Variants in MARCHF1 observed in about 807,000 individuals in gnomAD.
MARCHF1 encodes the protein membrane associated ring-CH-type finger 1, also known as E3 ubiquitin-protein ligase MARCHF1.
Under a neutral mutation model 54.2 loss-of-function variants are expected in MARCHF1, and 40 were observed. The observed-to-expected ratio is 0.74, with a 90% confidence interval of 0.57 to 0.96. MARCHF1 has a LOEUF of 0.96. MARCHF1 is among the 40% of genes least tolerant of loss of function. The pLI, the probability that MARCHF1 is intolerant of heterozygous loss-of-function variation, is 0.00. For missense variants in MARCHF1, 586 were observed against 656.5 expected, an observed-to-expected ratio of 0.89 and a Z score of 1.17; for synonymous variants, 236 against 236.3, an observed-to-expected ratio of 1.00 and a Z score of 0.01.
chr4:164,020,731 G>T (rs192618268), intron 2 of MARCHF1, among the ~76,000 whole-genome samples: 8 of 152,256 alleles, frequency 5.3e-5, no homozygotes, highest in Non-Finnish European at 1.0e-4. Context: ...AGGAGTTTGA[G>T]AACAGCCCAG....
chr4:164,123,290 G>A (rs1266743042), intron 1 of MARCHF1, among the ~76,000 whole-genome samples: 2 of 152,026 alleles, frequency 1.3e-5, no homozygotes, highest in Non-Finnish European at 2.9e-5. Flanking sequence ...GTAAAACACT[G>A]ATGAAAGCAG....
In MARCHF1 at chr4:163,629,358, C is replaced by T. The variant is rs936694659; in HGVS notation, c.163-15965G>A. On this transcript the variant is annotated intron_variant, in intron 5 of 9. Transcript: ENST00000514618. The stretch of plus-strand genomic sequence containing the variant: ...TTGGGAAAACTGGCTAGCTATATGC[C>T]GAAAGCTGAAACCGGATCCCTTTTT... Among the ~76,000 whole-genome samples, 9 of 151,950 alleles carry T rather than the reference C, an allele frequency of 5.9e-5. No homozygotes were observed. The South Asian group carries it at 8.3e-4, about 14-fold the overall frequency.
chr4:163,940,347 T>C (rs1217850885), intron 3 of MARCHF1, among the ~76,000 whole-genome samples: 1 of 152,168 alleles, frequency 6.6e-6, no homozygotes, highest in Non-Finnish European at 1.5e-5. Context: ...ATATTCTATT[T>C]GTACTGCACT....
At chr4:163,825,335 G>A (rs188040614) in intron 4 of MARCHF1, among the ~76,000 whole-genome samples, 17 of 152,098 alleles carry the variant, frequency 1.1e-4, no homozygotes, top group Non-Finnish European at 2.1e-4. Flanking sequence ...TCTTTAACCA[G>A]TCTAACATTG....
At chr4:164,118,264 A>C (rs1248800638) in intron 1 of MARCHF1, among the ~76,000 whole-genome samples, 1 of 151,760 alleles carries the variant, frequency 6.6e-6, no homozygotes, top group Non-Finnish European at 1.5e-5. Flanking sequence ...ACAGAACTTA[A>C]TATTCTATTA....
intron 1 of MARCHF1, among the ~76,000 whole-genome samples, chr4:164,148,577 T>A (rs372305461): frequency 2.0e-5 from 3 of 152,128 alleles, no homozygotes; most frequent in Non-Finnish European, 4.4e-5. Context: ...TTCCTTCTGT[T>A]TGAGCCATTG....
chr4:164,326,141 C>T (rs537809585), intron 1 of MARCHF1, among the ~76,000 whole-genome samples: 42 of 152,240 alleles, frequency 2.8e-4, no homozygotes, highest in African/African-American at 9.9e-4. Flanking sequence ...TTCAATTTTC[C>T]TTCCTTTTTA....
At position 163,776,100 on chromosome 4, in the gene MARCHF1, C is replaced by G. The variant is rs74673045; in HGVS notation, c.112-75237G>C. ...AAACCAGCAATTTGTTTAGATTCTA[C>G]TATGTGTCAGACACTTTTCTGAACC... On this transcript the variant is annotated intron_variant, in intron 4 of 9. Transcript: ENST00000514618. 1.0e-3 allele frequency among the ~76,000 whole-genome samples: 156 copies of G among 152,256 alleles called. 3 individuals are homozygous for G. In the East Asian group the frequency reaches 0.026, roughly 25 times the overall value.
chr4:163,660,402 G>A (rs576664383), intron 5 of MARCHF1, among the ~76,000 whole-genome samples: 7 of 151,976 alleles, frequency 4.6e-5, no homozygotes, highest in Non-Finnish European at 4.4e-5. Flanking sequence ...GGGGCCTGTC[G>A]GTGGGTGGGG....
intron 1 of MARCHF1, among the ~76,000 whole-genome samples, chr4:164,121,738 G>C (rs1412756143): frequency 6.6e-6 from 1 of 152,042 alleles, no homozygotes; most frequent in East Asian, 1.9e-4. Flanking sequence ...GGATCTGTTG[G>C]CCTCACTGTT....
At chr4:163,828,318 T>G (rs957826092) in intron 4 of MARCHF1, among the ~76,000 whole-genome samples, 1 of 152,182 alleles carries the variant, frequency 6.6e-6, no homozygotes, top group South Asian at 2.1e-4. Flanking sequence ...GTTTTTCAAC[T>G]GATTTTCATA....
At chr4:163,676,015 A>T (rs2111146255) in intron 5 of MARCHF1, among the ~76,000 whole-genome samples, 2 of 129,262 alleles carry the variant, frequency 1.5e-5, no homozygotes, top group Admixed American at 1.6e-4. Context: ...ATGTGATATT[A>T]TTTAGTTTAT....
chr4:163,577,759 T>C (rs1028742026), intron 8 of MARCHF1, among the ~76,000 whole-genome samples: 2 of 152,066 alleles, frequency 1.3e-5, no homozygotes, highest in East Asian at 3.9e-4. Context: ...TTATATTTCA[T>C]GAACACTTTG....
intron 1 of MARCHF1, among the ~76,000 whole-genome samples, chr4:164,225,422 C>A (rs1021568546): frequency 6.6e-6 from 1 of 151,948 alleles, no homozygotes; most frequent in South Asian, 2.1e-4. Flanking sequence ...CTGCTGTCTT[C>A]TAAAGGATTA....
chr4:163,542,069 T>C (rs925279121), intron 9 of MARCHF1, among the ~76,000 whole-genome samples: 1 of 152,264 alleles, frequency 6.6e-6, no homozygotes, highest in African/African-American at 2.4e-5. Context: ...TATCTTGCTT[T>C]CTGTTTTGCT....
intron 2 of MARCHF1, among the ~76,000 whole-genome samples, chr4:164,083,752 A>G (rs1223846390): frequency 1.3e-5 from 2 of 152,056 alleles, no homozygotes; most frequent in Non-Finnish European, 2.9e-5. Flanking sequence ...ATTCTGCTTC[A>G]GTCACATTTT....
intron 8 of MARCHF1, among the ~76,000 whole-genome samples, chr4:163,575,620 T>C (rs1740010507): frequency 1.3e-5 from 2 of 151,996 alleles, no homozygotes; most frequent in South Asian, 2.1e-4. Flanking sequence ...TTCAGTAGAA[T>C]TGGGACCAGC....
rs191723665 is a variant in MARCHF1 at position 163,755,122 on chromosome 4, T to C, written c.112-54259A>G. On this transcript the variant is annotated intron_variant, in intron 4 of 9. Coordinates refer to ENST00000514618, the MANE Select transcript of MARCHF1 (RefSeq NM_001394959.1). ...GGCAGAGGCAGGAGATACTGCTAAG[T>C]ATCTACAATGCAAAGATAGCCCCTC... is the stretch of plus-strand genomic sequence containing the variant. 6.1e-3 allele frequency among the ~76,000 whole-genome samples: 930 copies of C among 152,332 alleles called. 9 individuals are homozygous for C. The highest frequency in any genetic ancestry group is 9.6e-3 in the Non-Finnish European group (654 of 68,030).
chr4:164,157,656 C>G (rs936962377), intron 1 of MARCHF1, among the ~76,000 whole-genome samples: 4 of 152,090 alleles, frequency 2.6e-5, no homozygotes, highest in African/African-American at 9.7e-5. Context: ...TGACTTGGAT[C>G]TGTGCAAGTC....
Sources: gnomAD v4.1 joint callset for allele counts (sites outside exome capture counted in the v4.1 genomes callset) on GRCh38, gnomAD v4.1.1 for gene constraint, MANE v1.5 for transcripts, NCBI Gene and HGNC (gene_info 2026-07-23, HGNC 2026-07-21) for gene names.